Variants in RERE observed in about 807,000 individuals in gnomAD.
The protein encoded by RERE is arginine-glutamic acid dipeptide repeats.
RERE carries 40 observed loss-of-function variants against 146.1 expected under a neutral mutation model. The observed-to-expected ratio is 0.27, with a 90% CI of 0.21 to 0.36. RERE has a LOEUF of 0.36. RERE is among the 10% of genes least tolerant of loss of function. RERE has a pLI of 1.00. For missense variants in RERE, 1,933 were observed against 2,138.7 expected (o/e 0.90, Z 1.90); for synonymous variants, 1,003 against 866.0 (o/e 1.16, Z -2.78).
At chr1:8,756,366 G>T (rs1360647169) in intron 1 of RERE, among the ~76,000 whole-genome samples, 2 of 152,118 alleles carry the variant, frequency 1.3e-5, no homozygotes, top group East Asian at 3.9e-4. Context: ...TGCTTTGAAG[G>T]ATATTCAGTG....
chr1:8,442,423 A>G (rs1308902132), intron 11 of RERE, among the ~76,000 whole-genome samples: 4 of 151,454 alleles, frequency 2.6e-5, no homozygotes, highest in African/African-American at 4.9e-5. Flanking sequence ...TTAAAAATAG[A>G]TGATAGTTCT....
intron 1 of RERE, among the ~76,000 whole-genome samples, chr1:8,727,272 A>T (rs1639991119): frequency 6.6e-6 from 1 of 151,860 alleles, no homozygotes; most frequent in Non-Finnish European, 1.5e-5. Flanking sequence ...CCTCGTGAGT[A>T]GCTGGGATTA....
intron 2 of RERE, among the ~76,000 whole-genome samples, chr1:8,630,561 C>T (rs1647023421): frequency 6.6e-6 from 1 of 152,112 alleles, no homozygotes; most frequent in South Asian, 2.1e-4. Context: ...GTGAGGGGTA[C>T]TCATATTGAC....
chr1:8,404,789 C>A (rs1222284323), intron 12 of RERE, among the ~76,000 whole-genome samples: 6 of 152,162 alleles, frequency 3.9e-5, no homozygotes, highest in Non-Finnish European at 7.4e-5. Flanking sequence ...CTGGTGCCAA[C>A]CGTGTCAGGG....
intron 1 of RERE, among the ~76,000 whole-genome samples, chr1:8,702,242 T>C (rs1455856030): frequency 1.3e-5 from 2 of 152,194 alleles, no homozygotes; most frequent in Non-Finnish European, 2.9e-5. Context: ...GACCATTTTT[T>C]AGATTTTCCG....
intron 1 of RERE, among the ~76,000 whole-genome samples, chr1:8,783,816 G>A (rs1485881775): frequency 1.3e-5 from 2 of 152,100 alleles, no homozygotes; most frequent in Admixed American, 1.3e-4. Flanking sequence ...ATCTACCTCA[G>A]AAGTCACAAC....
intron 12 of RERE, among the ~76,000 whole-genome samples, chr1:8,412,837 G>C (rs1643650667): frequency 1.3e-5 from 2 of 152,154 alleles, no homozygotes; most frequent in Admixed American, 6.5e-5. Flanking sequence ...CAAAGTCTAA[G>C]GCCTGGGATA....
At chr1:8,496,693 G>A (rs1645050897) in intron 9 of RERE, among the ~76,000 whole-genome samples, 1 of 152,156 alleles carries the variant, frequency 6.6e-6, no homozygotes, top group Admixed American at 6.5e-5. Flanking sequence ...TCTGTGCCGT[G>A]TGAGGAGCGA....
intron 4 of RERE, among the ~76,000 whole-genome samples, chr1:8,588,532 C>T (rs1029020436): frequency 6.6e-6 from 1 of 152,092 alleles, no homozygotes; most frequent in African/African-American, 2.4e-5. Context: ...CCCCCTGACC[C>T]AAAAGGCAGC....
intron 1 of RERE, among the ~76,000 whole-genome samples, chr1:8,665,567 G>T (rs1187225369): frequency 1.3e-5 from 2 of 152,194 alleles, no homozygotes; most frequent in Admixed American, 6.5e-5. Flanking sequence ...GTAGGATAAG[G>T]AGACGCAAAG....
intron 4 of RERE, among the ~76,000 whole-genome samples, chr1:8,560,368 G>A (rs1385060292): frequency 2.0e-5 from 3 of 152,172 alleles, no homozygotes; most frequent in Admixed American, 6.5e-5. Context: ...GGACAAAATT[G>A]TCCCTAGTTG....
intron 11 of RERE, among the ~76,000 whole-genome samples, chr1:8,438,792 A>G (rs1159172403): frequency 6.6e-6 from 1 of 152,230 alleles, no homozygotes; most frequent in Non-Finnish European, 1.5e-5. Context: ...AAAGAAAAAA[A>G]AAGGTAATAA....
chr1:8,647,381 T>G (rs2124306167), intron 2 of RERE, among the ~76,000 whole-genome samples: 1 of 152,304 alleles, frequency 6.6e-6, no homozygotes, highest in South Asian at 2.1e-4. Context: ...TTTAAGCAGA[T>G]TAATAATAGG....
intron 4 of RERE, among the ~76,000 whole-genome samples, chr1:8,564,709 A>G (rs935545650): frequency 6.6e-6 from 1 of 152,100 alleles, no homozygotes; most frequent in African/African-American, 2.4e-5. Flanking sequence ...AGAAGCCTGC[A>G]CTCCCAAGTT....
At chr1:8,385,965 T>C (rs1258056597) in intron 12 of RERE, among the ~76,000 whole-genome samples, 2 of 39,010 alleles carry the variant, frequency 5.1e-5, no homozygotes, top group Non-Finnish European at 8.7e-5. Context: ...CAAGACTCCG[T>C]CTTAAAAAAA....
chr1:8,466,945 C>T (rs1644607338), intron 10 of RERE, among the ~76,000 whole-genome samples: 1 of 152,198 alleles, frequency 6.6e-6, no homozygotes, highest in Non-Finnish European at 1.5e-5. Flanking sequence ...ATCTACCTCC[C>T]CATACTGTGG....
At chr1:8,502,958 C>A (rs988417935) in intron 8 of RERE, among the ~76,000 whole-genome samples, 3 of 150,698 alleles carry the variant, frequency 2.0e-5, no homozygotes, top group Admixed American at 6.6e-5. Flanking sequence ...TTCGGAAGGC[C>A]GCAGGGTCCT....
chr1:8,385,335 C>G (rs529189969), intron 12 of RERE, among the ~76,000 whole-genome samples: 1 of 152,154 alleles, frequency 6.6e-6, no homozygotes, highest in Non-Finnish European at 1.5e-5. Context: ...TCAGACTGCC[C>G]GTTTGTGCTT....
intron 1 of RERE, among the ~76,000 whole-genome samples, chr1:8,773,718 G>A (rs1641001025): frequency 6.6e-6 from 1 of 152,140 alleles, no homozygotes; most frequent in South Asian, 2.1e-4. Context: ...CAGCTACTTG[G>A]GAGGCTGAGG....
Sources: gnomAD v4.1 joint callset for allele counts (sites outside exome capture counted in the v4.1 genomes callset) on GRCh38, gnomAD v4.1.1 for gene constraint, MANE v1.5 for transcripts, NCBI Gene and HGNC (gene_info 2026-07-23, HGNC 2026-07-21) for gene names.